Variants in MALRD1 observed in about 807,000 individuals in gnomAD.
MALRD1 encodes the protein MAM and LDL-receptor class A domain-containing protein 1.
A neutral mutation model predicts 242.1 loss-of-function variants in MALRD1; 247 were observed. That is an observed-to-expected ratio of 1.02 (90% CI 0.92 to 1.13). MALRD1 has a LOEUF of 1.13. Ranked by LOEUF, MALRD1 falls within the 50% of genes most tolerant of loss-of-function variation. The probability of loss-of-function intolerance (pLI) is 0.00; values close to 1 mark genes in which losing one functional copy is unlikely to be tolerated. For missense variants in MALRD1, 2,989 were observed against 2,533.1 expected, an observed-to-expected ratio of 1.18 and a Z score of -3.86; for synonymous variants, 995 against 866.6, an observed-to-expected ratio of 1.15 and a Z score of -2.60.
chr10:19,278,973 C>T lies in MALRD1; in HGVS notation c.3080-1074C>T, dbSNP rs186647337. Reference sequence around the variant, plus strand: ...TCACCAGACTATGGACGATTCACCACCAAACTGGGAAGCAACAGCCTGGGC... The same window carrying T: ...TCACCAGACTATGGACGATTCACCATCAAACTGGGAAGCAACAGCCTGGGC... On this transcript the variant is annotated intron_variant, in intron 19 of 39. Transcript: ENST00000454679. Among the ~76,000 whole-genome samples the T allele has an allele frequency of 1.1e-3, 171 of 152,282 alleles. 2 individuals are homozygous for T. In the Middle Eastern group the frequency reaches 0.014, roughly 12 times the overall value.
intron 34 of MALRD1, among the ~76,000 whole-genome samples, chr10:19,602,520 T>C (rs1007890863): frequency 2.6e-5 from 4 of 151,936 alleles, no homozygotes; most frequent in Non-Finnish European, 5.9e-5. Context: ...GCAAAGGACA[T>C]GAACTCATCA....
chr10:19,170,284 C>G (rs1588644524), intron 13 of MALRD1, among the ~76,000 whole-genome samples: 3 of 152,116 alleles, frequency 2.0e-5, no homozygotes, highest in Non-Finnish European at 4.4e-5. Context: ...CTAATAGATT[C>G]TTTTAATATT....
intron 32 of MALRD1, among the ~76,000 whole-genome samples, chr10:19,560,008 G>T (rs1589239552): frequency 6.6e-6 from 1 of 152,164 alleles, no homozygotes; most frequent in Non-Finnish European, 1.5e-5. Context: ...GAGAGGATTT[G>T]GAGAAATAGG....
intron 14 of MALRD1, among the ~76,000 whole-genome samples, chr10:19,197,558 T>G (rs1836320433): frequency 6.6e-6 from 1 of 152,208 alleles, no homozygotes; most frequent in Non-Finnish European, 1.5e-5. Flanking sequence ...AAGCATGCTA[T>G]GGCCTCAAGG....
chr10:19,345,696 A>C (rs2130974160), intron 24 of MALRD1, among the ~76,000 whole-genome samples: 1 of 152,166 alleles, frequency 6.6e-6, no homozygotes, highest in East Asian at 1.9e-4. Context: ...GACATTACAA[A>C]TTTGTATTGG....
At chr10:19,302,198 T>G (rs1283349706) in intron 21 of MALRD1, among the ~76,000 whole-genome samples, 1 of 151,852 alleles carries the variant, frequency 6.6e-6, no homozygotes, top group African/African-American at 2.4e-5. Context: ...CTGTGAACAT[T>G]GTCTGGCAGT....
intron 28 of MALRD1, among the ~76,000 whole-genome samples, chr10:19,417,128 C>G (rs575952531): frequency 5.3e-5 from 8 of 152,298 alleles, no homozygotes; most frequent in Non-Finnish European, 8.8e-5. Flanking sequence ...CCATCTGTGT[C>G]TCTTCCAGTT....
At chr10:19,657,549 T>TG (rs1841217231) in intron 36 of MALRD1, among the ~76,000 whole-genome samples, 1 of 151,960 alleles carries the variant, frequency 6.6e-6, no homozygotes, top group African/African-American at 2.4e-5. Context: ...CTTAACATTT[T>TG]TTTTTAGTTT....
chr10:19,626,947 A>G (rs531817411), intron 36 of MALRD1, among the ~76,000 whole-genome samples: 1 of 152,304 alleles, frequency 6.6e-6, no homozygotes, highest in African/African-American at 2.4e-5. Context: ...ATACTTGACA[A>G]TACAGCTTGC....
intron 19 of MALRD1, among the ~76,000 whole-genome samples, chr10:19,262,015 A>G (rs1311798192): frequency 1.3e-5 from 2 of 152,052 alleles, no homozygotes; most frequent in Non-Finnish European, 2.9e-5. Flanking sequence ...ATTCCCCAAT[A>G]GTTTTTATGC....
intron 30 of MALRD1, among the ~76,000 whole-genome samples, chr10:19,497,288 A>G (rs1351902847): frequency 1.3e-5 from 2 of 150,204 alleles, no homozygotes; most frequent in African/African-American, 5.0e-5. Context: ...CATATCACAT[A>G]ATAAAAACCT....
chr10:19,377,916 T>C (rs527798260), intron 26 of MALRD1, among the ~76,000 whole-genome samples: 2 of 152,230 alleles, frequency 1.3e-5, no homozygotes, highest in South Asian at 4.1e-4. Context: ...GAAATACCAA[T>C]GATAACTGCC....
At chr10:19,686,261 CAT>C (rs1457848060) in intron 36 of MALRD1, among the ~76,000 whole-genome samples, 1 of 152,178 alleles carries the variant, frequency 6.6e-6, no homozygotes, top group Non-Finnish European at 1.5e-5. Context: ...TGGAGTTTTA[CAT>C]GTTGGCATAC....
chr10:19,504,097 T>G (rs77800762), intron 31 of MALRD1, among the ~76,000 whole-genome samples: 1 of 152,200 alleles, frequency 6.6e-6, no homozygotes, highest in Non-Finnish European at 1.5e-5. Context: ...TAAATACAAC[T>G]CAATTTGATA....
chr10:19,216,119 C>CT (rs753559077), intron 18 of MALRD1, among the ~76,000 whole-genome samples: 12,136 of 122,694 alleles, frequency 0.099, 760 homozygotes, highest in African/African-American at 0.11. Context: ...TTCTTTCTTT[C>CT]TTTTTTTTTT....
chr10:19,175,463 A>AATATATATATATATATATAT lies in MALRD1; in HGVS notation c.1951+136_1951+155dup, dbSNP rs376874358. ...TATATCACCTGTTCTTGAAACCTAA[A>AATATATATATATATATATAT]ATATATATATATATATATATTTTAA... On this transcript the variant is annotated intron_variant, in intron 14 of 39. Transcript: ENST00000454679. 4.0e-4 allele frequency: 82 copies of AATATATATATATATATATAT among 202,822 alleles called. 2 individuals are homozygous for AATATATATATATATATATAT. The highest frequency in any genetic ancestry group is 1.5e-3 in the East Asian group (10 of 6,704). 12.6% of individuals were successfully genotyped at this position (202,822 alleles called of 1,614,324 possible).
intron 31 of MALRD1, among the ~76,000 whole-genome samples, chr10:19,507,677 T>C (rs1833203845): frequency 6.6e-6 from 1 of 152,172 alleles, no homozygotes; most frequent in Non-Finnish European, 1.5e-5. Context: ...GGTTAGTGTT[T>C]GGATACTCAA....
chr10:19,609,967 A>T (rs1456370845), intron 35 of MALRD1, among the ~76,000 whole-genome samples: 1 of 151,992 alleles, frequency 6.6e-6, no homozygotes, highest in Non-Finnish European at 1.5e-5. Flanking sequence ...TATGATGATG[A>T]TGATGATACA....
intron 33 of MALRD1, among the ~76,000 whole-genome samples, chr10:19,591,724 C>G (rs1381157160): frequency 6.6e-6 from 1 of 152,096 alleles, no homozygotes. Context: ...TCTTGAACTC[C>G]TCACCTCAGA....
Sources: gnomAD v4.1 joint callset for allele counts (sites outside exome capture counted in the v4.1 genomes callset) on GRCh38, gnomAD v4.1.1 for gene constraint, MANE v1.5 for transcripts, NCBI Gene and HGNC (gene_info 2026-07-23, HGNC 2026-07-21) for gene names.